The following GDPD4 variants were observed in gnomAD, a reference collection of about 807,000 sequenced individuals.
GDPD4 encodes glycerophosphodiester phosphodiesterase domain containing 4, also known as glycerophosphodiester phosphodiesterase 6.
A neutral mutation model predicts 67.8 loss-of-function variants in GDPD4; 60 were observed. That is an observed-to-expected ratio of 0.88 (90% CI 0.72 to 1.10). The LOEUF is 1.10. GDPD4 is among the 50% of genes least tolerant of loss of function. The pLI, the probability that GDPD4 is intolerant of heterozygous loss-of-function variation, is 0.00. For synonymous variants in GDPD4, 212 were observed against 210.9 expected, an observed-to-expected ratio of 1.00 and a Z score of -0.04; for missense variants, 623 against 613.9, an observed-to-expected ratio of 1.01 and a Z score of -0.16.
At position 77,217,291 on chromosome 11, in the gene GDPD4, CATTCTTACTT is replaced by C. The variant is rs756763240; in HGVS notation, c.1539_1548del (p.Ser514ArgfsTer6). ...AATCTATCTATCTATCTATCTTCCT[CATTCTTACTT>C]CCACTCTGAGTATCTGTGGGATGGA... On this transcript the variant is annotated frameshift_variant, in exon 17 of 17. Coordinates refer to ENST00000315938, the MANE Select transcript of GDPD4 (RefSeq NM_182833.3). LOFTEE classifies it low-confidence loss of function (END_TRUNC). 2 of 1,608,496 alleles carry C rather than the reference CATTCTTACTT, an allele frequency of 1.2e-6. No individual in the cohort carries two copies. Among genetic ancestry groups the C allele is most frequent in the African/African-American group, 1.3e-5 (1 of 74,796 alleles).
intron 16 of GDPD4, among the ~76,000 whole-genome samples, chr11:77,225,208 G>A (rs1259722598): frequency 6.6e-6 from 1 of 151,916 alleles, no homozygotes; most frequent in Non-Finnish European, 1.5e-5. Flanking sequence ...GACTGAGGCA[G>A]GAGAATCGCT....
intron 13 of GDPD4, among the ~76,000 whole-genome samples, chr11:77,242,825 T>C (rs1040283468): frequency 9.9e-5 from 15 of 152,202 alleles, no homozygotes; most frequent in African/African-American, 3.6e-4. Flanking sequence ...GACACTATTA[T>C]ATGATCAATC....
At chr11:77,223,691 T>TCAAA (rs1958270904) in intron 16 of GDPD4, among the ~76,000 whole-genome samples, 1 of 152,168 alleles carries the variant, frequency 6.6e-6, no homozygotes, top group Non-Finnish European at 1.5e-5. Flanking sequence ...TTCTCAGAGC[T>TCAAA]CAAACACTGT....
intron 1 of GDPD4, among the ~76,000 whole-genome samples, chr11:77,297,222 T>C (rs1938001847): frequency 6.6e-6 from 1 of 151,994 alleles, no homozygotes; most frequent in Non-Finnish European, 1.5e-5. Context: ...TATATTTTCC[T>C]GTATATTTTA....
chr11:77,235,759 A>G (rs922735400), intron 13 of GDPD4, among the ~76,000 whole-genome samples: 1 of 152,188 alleles, frequency 6.6e-6, no homozygotes, highest in African/African-American at 2.4e-5. Flanking sequence ...GTTTGAGACC[A>G]GCCTGGCAAC....
At chr11:77,300,073 T>C (rs1007171402) in intron 1 of GDPD4, among the ~76,000 whole-genome samples, 2 of 149,478 alleles carry the variant, frequency 1.3e-5, no homozygotes, top group Non-Finnish European at 2.9e-5. Context: ...TGCCTTCTAC[T>C]TTTAAACTTC....
At chr11:77,296,905 T>G (rs191155041) in intron 1 of GDPD4, among the ~76,000 whole-genome samples, 11 of 150,722 alleles carry the variant, frequency 7.3e-5, no homozygotes, top group Admixed American at 1.3e-4. Flanking sequence ...AATACAAAAA[T>G]TAGCCAGGCA....
chr11:77,269,959 A>G lies in GDPD4; in HGVS notation c.402T>C (p.Val134=). 1 of 1,500,146 alleles carries G rather than the reference A, an allele frequency of 6.7e-7. No individual in the cohort carries two copies. The highest frequency in any genetic ancestry group is 9.2e-7 in the Non-Finnish European group (1 of 1,083,248). 92.9% of individuals were successfully genotyped at this position (1,500,146 alleles called of 1,614,324 possible). A position where few individuals can be genotyped will look rare whatever the true frequency, so the allele number is the denominator to read the frequency against. The part of the protein sequence containing the change: ...AFYVACLERE[V]RMRRYRMTHS... ...GTGTCATCCTGTATCTTCTCATTCT[A>G]ACTAAAATTTAGAAAGTGAAAAAGA... The change falls in exon 8 of 17, where the codon GTT becomes GTC. Residue 134 remains valine (V), a splice_region_variant and synonymous_variant. Transcript: ENST00000315938.
At chr11:77,233,242 C>T in intron 13 of GDPD4, 70 bp from the exon 14 acceptor site, 1 of 1,484,470 alleles carries the variant, frequency 6.7e-7, no homozygotes. Context: ...AGGAGAACAG[C>T]CACCATGTTT....
chr11:77,284,572 AG>A (rs1959909611), intron 3 of GDPD4, among the ~76,000 whole-genome samples: 1 of 152,196 alleles, frequency 6.6e-6, no homozygotes, highest in South Asian at 2.1e-4. Flanking sequence ...AAGCCAGAAA[AG>A]GGCTGGGAAC....
intron 10 of GDPD4, among the ~76,000 whole-genome samples, chr11:77,266,444 G>A (rs1205477138): frequency 6.6e-6 from 1 of 152,014 alleles, no homozygotes; most frequent in Non-Finnish European, 1.5e-5. Flanking sequence ...AATACCTGAG[G>A]ATGACAATAA....
At chr11:77,232,788 C>T (rs930840135) in intron 14 of GDPD4, among the ~76,000 whole-genome samples, 1 of 152,192 alleles carries the variant, frequency 6.6e-6, no homozygotes, top group African/African-American at 2.4e-5. Flanking sequence ...AATGACATAA[C>T]GCATGTCAAG....
chr11:77,296,327 T>G (rs78930293), intron 1 of GDPD4, among the ~76,000 whole-genome samples: 1 of 63,394 alleles, frequency 1.6e-5, no homozygotes, highest in Non-Finnish European at 3.4e-5. Flanking sequence ...TTTAATTAAT[T>G]TTTTTTTTTT....
intron 16 of GDPD4, among the ~76,000 whole-genome samples, chr11:77,223,287 G>C (rs183124115): frequency 1.1e-4 from 17 of 152,222 alleles, no homozygotes; most frequent in Admixed American, 3.3e-4. Flanking sequence ...TCCTTTGGAG[G>C]AGAAGAGGCA....
At chr11:77,231,136 G>A (rs1432054298) in intron 14 of GDPD4, among the ~76,000 whole-genome samples, 2 of 152,136 alleles carry the variant, frequency 1.3e-5, no homozygotes, top group African/African-American at 4.8e-5. Context: ...ATAAATATTT[G>A]TTTAAGACAC....
chr11:77,216,901 G>A lies in GDPD4; in HGVS notation c.*376C>T, dbSNP rs185628213. The A allele has an allele frequency of 1.4e-6, 1 of 690,436 alleles. No individual in the cohort carries two copies. Among genetic ancestry groups the A allele is most frequent in the Non-Finnish European group, 2.6e-6 (1 of 379,062 alleles). 42.8% of individuals were successfully genotyped at this position (690,436 alleles called of 1,614,324 possible). On this transcript the variant is annotated 3_prime_UTR_variant, in exon 17 of 17. Transcript: ENST00000315938. ...ATATTGTGACATAGGATTATTTGGAGTATTCAGCCATGGGGATCTCTTAGA... is the reference window on the plus strand; with the variant it reads ...ATATTGTGACATAGGATTATTTGGAATATTCAGCCATGGGGATCTCTTAGA...
chr11:77,221,486 T>A (rs202121246), intron 16 of GDPD4, among the ~76,000 whole-genome samples: 3 of 152,370 alleles, frequency 2.0e-5, no homozygotes, highest in East Asian at 3.9e-4. Flanking sequence ...CATTTCGTTA[T>A]GTACCCAGTA....
Position 77,230,134 on chromosome 11 carries a change from G to GA in GDPD4, c.1390-903dup, listed in dbSNP as rs201512094. Among the ~76,000 whole-genome samples the GA allele has an allele frequency of 6.0e-3, 907 of 152,262 alleles. 5 individuals carry two copies. Among genetic ancestry groups the GA allele is most frequent in the African/African-American group, 0.02 (818 of 41,546 alleles). On this transcript the variant is annotated intron_variant, in intron 14 of 16. Coordinates refer to ENST00000315938, the MANE Select transcript of GDPD4 (RefSeq NM_182833.3). Reference sequence around the variant, plus strand: ...AAGCCTCATAATAGCCCTACTAGTAGAAAATCTTAACCAACTTCCACTGAA... The same window carrying GA: ...AAGCCTCATAATAGCCCTACTAGTAGAAAAATCTTAACCAACTTCCACTGAA...
chr11:77,244,341 T>C (rs897509334), intron 12 of GDPD4, among the ~76,000 whole-genome samples: 3 of 152,136 alleles, frequency 2.0e-5, no homozygotes, highest in Non-Finnish European at 4.4e-5. Context: ...CCTGGGCTAG[T>C]ATCTTCTAAT....
Sources: gnomAD v4.1 joint callset for allele counts (sites outside exome capture counted in the v4.1 genomes callset) on GRCh38, gnomAD v4.1.1 for gene constraint, MANE v1.5 for transcripts, NCBI Gene and HGNC (gene_info 2026-07-23, HGNC 2026-07-21) for gene names.